Variants in ADD2 observed in about 807,000 individuals in gnomAD.
ADD2 encodes the protein adducin 2.
A neutral mutation model predicts 83.0 loss-of-function variants in ADD2; 23 were observed. That is an observed-to-expected ratio of 0.28 (90% confidence interval 0.20 to 0.39). The LOEUF is 0.39. ADD2 is among the 10% of genes least tolerant of loss of function. The pLI is 1.00. For synonymous variants in ADD2, 375 were observed against 375.4 expected (o/e 1.00, Z 0.01); for missense variants, 758 against 944.9 (o/e 0.80, Z 2.59).
chr2:70,723,311 A>G (rs1672822285), intron 1 of ADD2, among the ~76,000 whole-genome samples: 4 of 152,252 alleles, frequency 2.6e-5, no homozygotes, highest in South Asian at 4.1e-4. Context: ...ACAGGGCCCA[A>G]CAAATAGTAA....
chr2:70,764,744 A>T (rs1176107737), intron 1 of ADD2, among the ~76,000 whole-genome samples: 1 of 151,784 alleles, frequency 6.6e-6, no homozygotes. Context: ...TGATCATGCC[A>T]CTGCATTCCA....
At chr2:70,689,941 C>T (rs962261949) in intron 8 of ADD2, among the ~76,000 whole-genome samples, 1 of 152,096 alleles carries the variant, frequency 6.6e-6, no homozygotes, top group African/African-American at 2.4e-5. Flanking sequence ...AGTGAACAAA[C>T]CGTGTGGGGC....
chr2:70,689,218 G>C (rs1486251251), intron 8 of ADD2, among the ~76,000 whole-genome samples: 1 of 152,210 alleles, frequency 6.6e-6, no homozygotes, highest in Admixed American at 6.5e-5. Context: ...AGTAAAAGTG[G>C]GGGAACCCAA....
Position 70,728,998 on chromosome 2 carries a change from A to G in ADD2, c.-153-15814T>C, listed in dbSNP as rs1192797879. 2.6e-5 allele frequency among the ~76,000 whole-genome samples: 4 copies of G among 152,370 alleles called. No individual in the cohort carries two copies. In the East Asian group the frequency reaches 7.7e-4, roughly 29 times the overall value. Reference sequence around the variant, plus strand: ...AAGATACGCTGAGCTTCCAGCTCTCATTGAATGTCAGAGTTACAGGGACTT... The same window carrying G: ...AAGATACGCTGAGCTTCCAGCTCTCGTTGAATGTCAGAGTTACAGGGACTT... On this transcript the variant is annotated intron_variant, in intron 1 of 15. Transcript: ENST00000264436.
intron 10 of ADD2, 130 bp from the exon 11 acceptor site, chr2:70,679,091 A>T: frequency 9.0e-7 from 1 of 1,116,482 alleles, no homozygotes; most frequent in Admixed American, 2.8e-5. Flanking sequence ...TCCATTAAAC[A>T]ATCTAGGCTT....
chr2:70,753,095 G>T (rs1674591778), intron 1 of ADD2, among the ~76,000 whole-genome samples: 2 of 152,212 alleles, frequency 1.3e-5, no homozygotes, highest in Admixed American at 1.3e-4. Context: ...ACACTTAGAG[G>T]TCTGGTGGAG....
intron 15 of ADD2, among the ~76,000 whole-genome samples, chr2:70,665,134 G>T (rs1426916863): frequency 6.6e-6 from 1 of 152,160 alleles, no homozygotes; most frequent in Admixed American, 6.5e-5. Context: ...TGTTACAGAG[G>T]GAGCGAGTGA....
chr2:70,731,647 C>T (rs1220132063), intron 1 of ADD2, among the ~76,000 whole-genome samples: 1 of 152,198 alleles, frequency 6.6e-6, no homozygotes, highest in Non-Finnish European at 1.5e-5. Flanking sequence ...CAAGACCCTT[C>T]TAATCCCCTC....
In ADD2 at chr2:70,677,753, C is replaced by T. The variant is rs1553368647; in HGVS notation, c.1503+5G>A. The T allele has an allele frequency of 1.2e-6, 2 of 1,614,108 alleles. No individual in the cohort carries two copies. The highest frequency in any genetic ancestry group is 1.7e-6 in the Non-Finnish European group (2 of 1,179,936). ...GAAAGAGTGGGATAAACAGACCCCA[C>T]TTACCTTGTTCCTCATCTCCAGTAC... On this transcript the variant is annotated splice_donor_5th_base_variant and intron_variant, in intron 12 of 15. Transcript: ENST00000264436.
At chr2:70,738,306 A>T (rs3771412) in intron 1 of ADD2, among the ~76,000 whole-genome samples, 100,452 of 151,984 alleles carry the variant, frequency 0.66, 34,552 homozygotes, top group East Asian at 0.9. Context: ...AGATCATAAC[A>T]CATAAGAACT....
chr2:70,761,898 T>C (rs1553385071), intron 1 of ADD2, among the ~76,000 whole-genome samples: 4 of 151,522 alleles, frequency 2.6e-5, no homozygotes, highest in Admixed American at 6.6e-5. Flanking sequence ...GCCGATCTCC[T>C]GACCTCACGA....
intron 8 of ADD2, 98 bp from the exon 9 acceptor site, chr2:70,688,220 A>C: frequency 1.1e-6 from 1 of 887,412 alleles, no homozygotes; most frequent in South Asian, 1.7e-5. Flanking sequence ...TTCCACAACC[A>C]ATCCCAGGGC....
chr2:70,705,976 G>A (rs1320618781), intron 3 of ADD2, among the ~76,000 whole-genome samples: 1 of 152,106 alleles, frequency 6.6e-6, no homozygotes, highest in South Asian at 2.1e-4. Flanking sequence ...AAACTGAGGG[G>A]GACTCCTGTC....
intron 1 of ADD2, among the ~76,000 whole-genome samples, chr2:70,761,389 A>G (rs1423425769): frequency 6.8e-6 from 1 of 148,076 alleles, no homozygotes; most frequent in African/African-American, 2.4e-5. Flanking sequence ...TGGGTGGATC[A>G]CCTGAGATCA....
At position 70,767,868 on chromosome 2, in the gene ADD2, C is replaced by A; in HGVS notation, c.-154+18G>T. ...GCGACCCCAGGCAGCCCACCAGGCC[C>A]GCTCCCCAGACCCTTACCTCCTGCG... is the stretch of plus-strand genomic sequence containing the variant. On this transcript the variant is annotated intron_variant, in intron 1 of 15. Coordinates refer to ENST00000264436, the MANE Select transcript of ADD2 (RefSeq NM_001617.4). 1.3e-6 allele frequency: 2 copies of A among 1,535,726 alleles called. No homozygotes were observed. The highest frequency in any genetic ancestry group is 1.7e-6 in the Non-Finnish European group (2 of 1,146,702).
chr2:70,727,646 G>A (rs1383094337), intron 1 of ADD2, among the ~76,000 whole-genome samples: 3 of 152,002 alleles, frequency 2.0e-5, no homozygotes, highest in East Asian at 3.9e-4. Context: ...TATAATCCCC[G>A]CACTTTAGGA....
intron 15 of ADD2, among the ~76,000 whole-genome samples, chr2:70,667,373 G>A (rs544140790): frequency 1.2e-4 from 18 of 151,980 alleles, no homozygotes; most frequent in African/African-American, 4.3e-4. Context: ...GGGAGACAAA[G>A]GACTAAAAGG....
intron 3 of ADD2, 89 bp from the exon 4 acceptor site, chr2:70,704,548 CT>C: frequency 6.5e-7 from 1 of 1,543,838 alleles, no homozygotes; most frequent in East Asian, 2.3e-5. Flanking sequence ...CCCCTTGCCC[CT>C]GGGTCAGCTA....
chr2:70,709,189 A>T (rs1402464504), intron 2 of ADD2, among the ~76,000 whole-genome samples: 1 of 152,150 alleles, frequency 6.6e-6, no homozygotes, highest in Non-Finnish European at 1.5e-5. Flanking sequence ...CTAGTTAGTC[A>T]TCTTCTTATG....
Sources: gnomAD v4.1 joint callset for allele counts (sites outside exome capture counted in the v4.1 genomes callset) on GRCh38, gnomAD v4.1.1 for gene constraint, MANE v1.5 for transcripts, NCBI Gene and HGNC (gene_info 2026-07-23, HGNC 2026-07-21) for gene names.